Variants in CYLC2 observed in about 807,000 individuals in gnomAD.
CYLC2 encodes cylicin 2, also known as cylicin-2.
In CYLC2, 30 loss-of-function variants were observed where a neutral mutation model predicts 26.1. That is an observed-to-expected ratio of 1.15 (90% CI 0.86 to 1.56). The LOEUF (loss-of-function observed/expected upper bound fraction) is 1.56. Among genes scored for constraint, CYLC2 ranks in the 40% most tolerant of loss-of-function variants. The pLI is 0.00. For synonymous variants in CYLC2, 158 were observed against 132.8 expected (o/e 1.19, Z -1.31); for missense variants, 498 against 394.4 (o/e 1.26, Z -2.23).
At chr9:103,013,873 A>G (rs1396698166) in intron 6 of CYLC2, among the ~76,000 whole-genome samples, 2 of 113,528 alleles carry the variant, frequency 1.8e-5, no homozygotes, top group Non-Finnish European at 3.2e-5. Context: ...ATTATATATT[A>G]TACATATAAT....
chr9:103,013,208 A>G (rs987945846), intron 6 of CYLC2, among the ~76,000 whole-genome samples: 1 of 35,524 alleles, frequency 2.8e-5, no homozygotes, highest in Admixed American at 3.9e-4. Context: ...TATTAATGTT[A>G]TATATTAATA....
intron 5 of CYLC2, among the ~76,000 whole-genome samples, chr9:103,010,204 T>A (rs1829393085): frequency 6.6e-6 from 1 of 152,072 alleles, no homozygotes; most frequent in African/African-American, 2.4e-5. Flanking sequence ...GTTAATTATG[T>A]ACCAAGTGAA....
At chr9:103,001,681 CT>C in intron 2 of CYLC2, 63 bp downstream of exon 2, 2 of 1,038,670 alleles carry the variant, frequency 1.9e-6, no homozygotes, top group South Asian at 1.4e-5. Context: ...AAGTATTATC[CT>C]CTATTCAAAG....
Position 103,004,752 on chromosome 9 carries a change from T to C in CYLC2, c.238T>C (p.Ser80Pro). The C allele has an allele frequency of 6.2e-7, 1 of 1,610,834 alleles. No individual in the cohort carries two copies. The highest frequency in any genetic ancestry group is 2.2e-5 in the East Asian group (1 of 44,828). The change falls in exon 4 of 8, where the codon TCT becomes CCT. Residue 80 changes from serine to proline, a missense_variant. Ser to Pro is a moderately conservative substitution (Grantham distance 74, BLOSUM62 -1). Transcript: ENST00000374798. ...DRRQPLWMYR[S>P]LMRISERPSV... ...TAGACAACCATTATGGATGTACCGT[T>C]CTTTAATGAGAATTTCTGAGAGACC... is the stretch of plus-strand genomic sequence containing the variant.
chr9:103,005,007 G>T lies in CYLC2; in HGVS notation c.376G>T (p.Asp126Tyr). 3 of 1,591,676 alleles carry T rather than the reference G, an allele frequency of 1.9e-6. No homozygotes were observed. Among genetic ancestry groups the T allele is most frequent in the Non-Finnish European group, 2.6e-6 (3 of 1,174,750 alleles). The change falls in exon 5 of 8, where the codon GAC becomes TAC. Residue 126 changes from aspartate to tyrosine, a missense_variant. Transcript: ENST00000374798. ...AGGTGAAGACAAGACAACACAGAAGGACACAACAGATTCGGAATCAGAATT... is the reference window on the plus strand; with the variant it reads ...AGGTGAAGACAAGACAACACAGAAGTACACAACAGATTCGGAATCAGAATT... ...KKGEDKTTQKDTTDSESELKQ... is the reference protein window; with the variant it reads ...KKGEDKTTQKYTTDSESELKQ...
chr9:102,997,335 G>A (rs1829248262), intron 1 of CYLC2, among the ~76,000 whole-genome samples: 1 of 151,910 alleles, frequency 6.6e-6, no homozygotes, highest in Non-Finnish European at 1.5e-5. Flanking sequence ...ATTGTGACAA[G>A]GAAAATGTCT....
Position 103,005,072 on chromosome 9 carries a change from A to G in CYLC2, c.441A>G (p.Ile147Met). ...AAGATTCAAAGAAAGGCAAGGATAT[A>G]GAGAAAGGAAAAGAAGAAAAGCTAG... is the stretch of plus-strand genomic sequence containing the variant. ...GKKDSKKGKD[I>M]EKGKEEKLDA... is the part of the protein sequence containing the mutation. Residue 147 changes from isoleucine (I) to methionine (M), a missense_variant, in exon 5 of 8, where the codon ATA (isoleucine) becomes ATG (methionine). Coordinates refer to ENST00000374798, the MANE Select transcript of CYLC2 (RefSeq NM_001340.5). 1.2e-6 allele frequency: 2 copies of G among 1,606,352 alleles called. No individual in the cohort carries two copies. Among genetic ancestry groups the G allele is most frequent in the African/African-American group, 1.4e-5 (1 of 74,064 alleles).
intron 6 of CYLC2, among the ~76,000 whole-genome samples, chr9:103,016,508 G>T (rs7856837): frequency 6.6e-6 from 1 of 151,846 alleles, no homozygotes; most frequent in Admixed American, 6.6e-5. Context: ...TTATCCCATC[G>T]GTGTTCTATT....
intron 7 of CYLC2, among the ~76,000 whole-genome samples, chr9:103,017,196 G>A (rs1829516094): frequency 1.3e-5 from 2 of 151,836 alleles, no homozygotes; most frequent in Admixed American, 1.3e-4. Flanking sequence ...TTCAAAAGGG[G>A]ATTTAAGGTG....
chr9:103,001,402 C>T (rs1564096589), intron 1 of CYLC2, among the ~76,000 whole-genome samples, 176 bp from the exon 2 acceptor site: 1 of 151,708 alleles, frequency 6.6e-6, no homozygotes, highest in East Asian at 2.0e-4. Flanking sequence ...AATTTGAAAA[C>T]ACATTTGCTC....
intron 1 of CYLC2, 73 bp downstream of exon 1, chr9:102,995,470 A>T: frequency 8.8e-7 from 1 of 1,134,456 alleles, no homozygotes; most frequent in Non-Finnish European, 1.3e-6. Flanking sequence ...TAGTATGAAG[A>T]GATATTTATT....
chr9:103,012,575 C>A (rs973929895), intron 6 of CYLC2, among the ~76,000 whole-genome samples: 2 of 151,692 alleles, frequency 1.3e-5, no homozygotes, highest in South Asian at 4.2e-4. Flanking sequence ...AGCCCTAATC[C>A]ATAATAAAAT....
At chr9:103,011,543 T>C (rs537319863) in intron 5 of CYLC2, among the ~76,000 whole-genome samples, 1 of 152,112 alleles carries the variant, frequency 6.6e-6, no homozygotes, top group Non-Finnish European at 1.5e-5. Flanking sequence ...GGGGTCCAAG[T>C]GAAGCTAACC....
In CYLC2 at chr9:103,005,815, G is replaced by T; in HGVS notation, c.*137G>T. ...ATAATTTTTAAAAGGTGGTAAAGAAGGATACAAAGGAGAACTCAGCAGAGA... is the reference window on the plus strand; with the variant it reads ...ATAATTTTTAAAAGGTGGTAAAGAATGATACAAAGGAGAACTCAGCAGAGA... On this transcript the variant is annotated 3_prime_UTR_variant, in exon 5 of 8. Coordinates refer to ENST00000374798, the MANE Select transcript of CYLC2 (RefSeq NM_001340.5). 1.1e-6 allele frequency: 1 copy of T among 939,048 alleles called. No homozygotes were observed. The highest frequency in any genetic ancestry group is 1.9e-5 in the South Asian group (1 of 51,604). The allele number at this position is 939,048 out of a possible 1,614,324, so 58.2% of individuals were successfully genotyped here. A position where few individuals can be genotyped will look rare whatever the true frequency, so the allele number is the denominator to read the frequency against.
intron 1 of CYLC2, among the ~76,000 whole-genome samples, chr9:103,000,482 T>C (rs1186974245): frequency 1.3e-5 from 2 of 152,052 alleles, no homozygotes; most frequent in Non-Finnish European, 2.9e-5. Context: ...ATAAATGTAC[T>C]TTGACTGGAT....
intron 1 of CYLC2, among the ~76,000 whole-genome samples, chr9:103,001,068 A>C (rs1829283341): frequency 6.6e-6 from 1 of 151,884 alleles, no homozygotes; most frequent in African/African-American, 2.4e-5. Flanking sequence ...ACAAATTCAC[A>C]GGTGCACATA....
At chr9:103,013,497 ATAT>A (rs1457701875) in intron 6 of CYLC2, among the ~76,000 whole-genome samples, 5 of 109,838 alleles carry the variant, frequency 4.6e-5, no homozygotes, top group African/African-American at 1.9e-4. Flanking sequence ...CATATTACAT[ATAT>A]TATATTTGTA....
At chr9:102,996,206 A>G (rs540032019) in intron 1 of CYLC2, among the ~76,000 whole-genome samples, 5 of 152,018 alleles carry the variant, frequency 3.3e-5, no homozygotes, top group Non-Finnish European at 1.5e-5. Flanking sequence ...ATTAAAGTAT[A>G]ATTTTTGGTA....
intron 1 of CYLC2, among the ~76,000 whole-genome samples, chr9:102,996,508 G>C (rs1247839019): frequency 6.6e-6 from 1 of 151,858 alleles, no homozygotes; most frequent in Non-Finnish European, 1.5e-5. Context: ...GGAGGAAACT[G>C]ATAGAAATCA....
Sources: allele counts gnomAD v4.1 joint callset (sites outside exome capture counted in the v4.1 genomes callset), GRCh38; gene constraint gnomAD v4.1.1; transcripts MANE v1.5; gene names NCBI Gene and HGNC (gene_info 2026-07-23, HGNC 2026-07-21).